The following HSPBP1 variants were observed in gnomAD, a reference collection of about 807,000 sequenced individuals.
HSPBP1 encodes hsp70-binding protein 1.
HSPBP1 carries 31 observed loss-of-function variants against 41.7 expected under a neutral mutation model. That is an observed-to-expected ratio of 0.74 (90% confidence interval 0.56 to 1.00). The LOEUF is 1.00. Among genes scored for constraint, HSPBP1 ranks in the 50% least tolerant of loss-of-function variants. The probability of loss-of-function intolerance (pLI) is 0.00; values close to 1 mark genes in which losing one functional copy is unlikely to be tolerated. For synonymous variants in HSPBP1, 199 were observed against 214.4 expected (o/e 0.93, Z 0.63); for missense variants, 439 against 487.9 (o/e 0.90, Z 0.94).
At chr19:55,266,509 C>CAT (rs1245390241) in intron 4 of HSPBP1, among the ~76,000 whole-genome samples, 1 of 35,826 alleles carries the variant, frequency 2.8e-5, no homozygotes, top group Non-Finnish European at 7.3e-5. Flanking sequence ...TCACCATCAC[C>CAT]ACCACCACCA....
chr19:55,269,245 T>C (rs986758702), intron 4 of HSPBP1, among the ~76,000 whole-genome samples: 1 of 152,134 alleles, frequency 6.6e-6, no homozygotes, highest in African/African-American at 2.4e-5. Context: ...AGTCCCTCTC[T>C]CCCAGCTGCG....
At position 55,270,560 on chromosome 19, in the gene HSPBP1, A is replaced by T. The variant is rs1197722155; in HGVS notation, c.640+3838T>A. ...CTCACCCGCAGGAAGGGGAAAGATA[A>T]GCTACTGTTGCTTAAGAAAAAAGGA... On this transcript the variant is annotated intron_variant, in intron 4 of 7. Coordinates refer to ENST00000433386, the MANE Select transcript of HSPBP1 (RefSeq NM_012267.5). The surrounding 1 kb of genome is among the most constrained non-coding windows in gnomAD (Gnocchi z 5.4). 2.0e-5 allele frequency among the ~76,000 whole-genome samples: 3 copies of T among 152,148 alleles called. No homozygotes were observed. Among genetic ancestry groups the T allele is most frequent in the African/African-American group, 7.2e-5 (3 of 41,424 alleles).
rs1296054535 is a variant in HSPBP1 at position 55,262,492 on chromosome 19, C to T, written c.*116G>A. The T allele has an allele frequency of 2.7e-6, 4 of 1,500,178 alleles. No individual in the cohort carries two copies. The highest frequency in any genetic ancestry group is 1.9e-4 in the Middle Eastern group (1 of 5,134). The allele number at this position is 1,500,178 out of a possible 1,614,324, so 92.9% of individuals were successfully genotyped here. ...GGGACTGCACAGAGACGGGCTGGCACACCCTGGGTCCAGGCACCTAGGCCC... is the reference window on the plus strand; with the variant it reads ...GGGACTGCACAGAGACGGGCTGGCATACCCTGGGTCCAGGCACCTAGGCCC... On this transcript the variant is annotated 3_prime_UTR_variant, in exon 8 of 8. Coordinates refer to ENST00000433386, the MANE Select transcript of HSPBP1 (RefSeq NM_012267.5).
Position 55,265,956 on chromosome 19 carries a change from G to C in HSPBP1, c.823C>G (p.Gln275Glu), listed in dbSNP as rs758612420. The change falls in exon 6 of 8, where the codon CAG becomes GAG. Residue 275 changes from glutamine to glutamate, a missense_variant. Transcript: ENST00000433386. ...GTCCGCACCAGGGCCACCAGCTGCT[G>C]GACCATCCCCATGGAGCACAGGGTC... ...KGTLCSMGMVQQLVALVRTEH... is the reference protein window; with the variant it reads ...KGTLCSMGMVEQLVALVRTEH... 5.6e-6 allele frequency: 9 copies of C among 1,605,938 alleles called. No individual in the cohort carries two copies. The highest frequency in any genetic ancestry group is 6.8e-6 in the Non-Finnish European group (8 of 1,177,470).
intron 7 of HSPBP1, among the ~76,000 whole-genome samples, chr19:55,264,869 C>A (rs555310580): frequency 6.6e-6 from 1 of 152,240 alleles, no homozygotes; most frequent in South Asian, 2.1e-4. Flanking sequence ...AACCAGCGGA[C>A]CCAGGAGCCC....
In HSPBP1 at chr19:55,263,932, G is replaced by T. The variant is rs553526984; in HGVS notation, c.1006-1250C>A. Among the ~76,000 whole-genome samples, 184 of 150,878 alleles carry T rather than the reference G, an allele frequency of 1.2e-3. 3 individuals carry two copies. The South Asian group carries it at 0.019, about 16-fold the overall frequency. On this transcript the variant is annotated intron_variant, in intron 7 of 7. Transcript: ENST00000433386. ...AAATCTAATTTGAATGTTTCCACGGGTGTATACATAAGTCAAAACTTCTCA... is the reference window on the plus strand; with the variant it reads ...AAATCTAATTTGAATGTTTCCACGGTTGTATACATAAGTCAAAACTTCTCA...
In HSPBP1 at chr19:55,274,413, G is replaced by C. The variant is rs1184272681; in HGVS notation, c.625C>G (p.Leu209Val). ...DACDTVRVKALFAISCLVREQ... is the reference protein window; with the variant it reads ...DACDTVRVKAVFAISCLVREQ... ...GGACACTCACAGGAGATGGCGAAGA[G>C]GGCCTTGACGCGCACCGTGTCGCAG... Residue 209 changes from leucine to valine, a missense_variant, in exon 4 of 8, where the codon CTC becomes GTC. Transcript: ENST00000433386. 6.7e-7 allele frequency: 1 copy of C among 1,500,368 alleles called. No individual in the cohort carries two copies. Among genetic ancestry groups the C allele is most frequent in the Non-Finnish European group, 8.9e-7 (1 of 1,127,196 alleles). The allele number at this position is 1,500,368 out of a possible 1,614,324, so 92.9% of individuals were successfully genotyped here. A position where few individuals can be genotyped will look rare whatever the true frequency, so the allele number is the denominator to read the frequency against.
intron 2 of HSPBP1, among the ~76,000 whole-genome samples, chr19:55,279,013 C>G (rs1339476700): frequency 6.7e-6 from 1 of 150,158 alleles, no homozygotes; most frequent in African/African-American, 2.5e-5. Context: ...TGTCTGTATG[C>G]TGGGCACTGT....
In HSPBP1 at chr19:55,279,625, AGGGAAGAATGTGTTAGAGG is replaced by A. The variant is rs1329427927; in HGVS notation, c.-36_-18del. ...GTCTGACATGGGCCGTTTGTGAAGAAGGGAAGAATGTGTTAGAGGGAGAAGGTGGTCACCGCTGAAGCAG... is the reference window on the plus strand; with the variant it reads ...GTCTGACATGGGCCGTTTGTGAAGAAGAGAAGGTGGTCACCGCTGAAGCAG... On this transcript the variant is annotated 5_prime_UTR_variant, in exon 2 of 8. Transcript: ENST00000433386. The A allele has an allele frequency of 6.4e-6, 10 of 1,568,678 alleles. No homozygotes were observed. In the Middle Eastern group the frequency reaches 5.0e-4, roughly 78 times the overall value.
Position 55,262,420 on chromosome 19 carries a change from G to A in HSPBP1, c.*188C>T, listed in dbSNP as rs919553391. ...AGAACGGGGATGAGAGTGAGAGCATGGGAGGTGGGGTCCAAGGAGCTGGTG... is the reference window on the plus strand; with the variant it reads ...AGAACGGGGATGAGAGTGAGAGCATAGGAGGTGGGGTCCAAGGAGCTGGTG... On this transcript the variant is annotated 3_prime_UTR_variant, in exon 8 of 8. Coordinates refer to ENST00000433386, the MANE Select transcript of HSPBP1 (RefSeq NM_012267.5). The A allele has an allele frequency of 1.4e-6, 2 of 1,413,468 alleles. No individual in the cohort carries two copies. Among genetic ancestry groups the A allele is most frequent in the East Asian group, 5.1e-5 (2 of 38,900 alleles). The allele number at this position is 1,413,468 out of a possible 1,614,324, so 87.6% of individuals were successfully genotyped here. A position where few individuals can be genotyped will look rare whatever the true frequency, so the allele number is the denominator to read the frequency against.
rs1156359126 is a variant in HSPBP1 at position 55,274,490 on chromosome 19, A to G, written c.548T>C (p.Val183Ala). Residue 183 changes from valine (V) to alanine (A), a missense_variant, in exon 4 of 8, where the codon GTG (valine) becomes GCG (alanine). Physicochemically the swap from Val to Ala is moderately conservative, Grantham distance 64 (BLOSUM62 0). Coordinates refer to ENST00000433386, the MANE Select transcript of HSPBP1 (RefSeq NM_012267.5). ...SQNVAAIQEQVLGLGALRKLL... is the reference protein window; with the variant it reads ...SQNVAAIQEQALGLGALRKLL... Reference sequence around the variant, plus strand: ...CTTACGCAGGGCACCCAGGCCCAGCACCTGCTCCTGGATGGCTGCCACGTT... The same window carrying G: ...CTTACGCAGGGCACCCAGGCCCAGCGCCTGCTCCTGGATGGCTGCCACGTT... 2 of 1,592,220 alleles carry G rather than the reference A, an allele frequency of 1.3e-6. No individual in the cohort carries two copies. The highest frequency in any genetic ancestry group is 1.3e-5 in the African/African-American group (1 of 74,558).
In HSPBP1 at chr19:55,265,266, C is replaced by T. The variant is rs201916715; in HGVS notation, c.1005+12G>A. ...CCTGGTCCTCCTTGCACCCCGTCCC[C>T]TCCCCATGTACCTGGTACTCCTCAT... On this transcript the variant is annotated intron_variant, in intron 7 of 7. Transcript: ENST00000433386. The T allele has an allele frequency of 7.5e-6, 12 of 1,597,552 alleles. No homozygotes were observed. The South Asian group carries it at 1.3e-4, about 18-fold the overall frequency.
At chr19:55,274,346 C>T in intron 4 of HSPBP1, 52 bp downstream of exon 4, 2 of 398,852 alleles carry the variant, frequency 5.0e-6, no homozygotes, top group Non-Finnish European at 4.4e-6. Context: ...GCCCACCCGG[C>T]ACCCCCCCCC....
At chr19:55,266,087 G>C in intron 5 of HSPBP1, 44 bp downstream of exon 5, 1 of 1,583,552 alleles carries the variant, frequency 6.3e-7, no homozygotes. Context: ...CCCACCCCAG[G>C]GCGTCTGCTC....
At chr19:55,273,476 C>T (rs1222993474) in intron 4 of HSPBP1, among the ~76,000 whole-genome samples, 1 of 152,302 alleles carries the variant, frequency 6.6e-6, no homozygotes, top group East Asian at 1.9e-4. Flanking sequence ...GTGTCCTCTC[C>T]AGACCCCCTG....
At chr19:55,274,347 A>ACCCCCCCCCCCCCCCCCCCCCCCCCCTT (rs11427517) in intron 4 of HSPBP1, 51 bp downstream of exon 4, 1 of 315,250 alleles carries the variant, frequency 3.2e-6, no homozygotes, top group Non-Finnish European at 5.9e-6. Flanking sequence ...CCCACCCGGC[A>ACCCCCCCCCCCCCCCCCCCCCCCCCCTT]CCCCCCCCCA....
rs568707195 is a variant in HSPBP1 at position 55,269,314 on chromosome 19, C to T, written c.641-3028G>A. Among the ~76,000 whole-genome samples, 97 of 152,246 alleles carry T rather than the reference C, an allele frequency of 6.4e-4. 1 individual carries two copies. The highest frequency in any genetic ancestry group is 2.3e-3 in the African/African-American group (94 of 41,540). ...TGTCCTGTGGAGGACACGATTGTCC[C>T]TGTTTGAGAACCACTGCTCCCTACC... On this transcript the variant is annotated intron_variant, in intron 4 of 7. Transcript: ENST00000433386.
chr19:55,269,123 C>T (rs969176502), intron 4 of HSPBP1, among the ~76,000 whole-genome samples: 1 of 152,124 alleles, frequency 6.6e-6, no homozygotes, highest in Non-Finnish European at 1.5e-5. Context: ...CAGGGTTTCT[C>T]CACCTGGGCA....
In HSPBP1 at chr19:55,269,882, G is replaced by T. The variant is rs559945456; in HGVS notation, c.641-3596C>A. On this transcript the variant is annotated intron_variant, in intron 4 of 7. Transcript: ENST00000433386. ...GGGTGACAATGAGGTGTCCATGTAG[G>T]TTCATCGATTGTAATAAATGTGCCA... 3.9e-5 allele frequency among the ~76,000 whole-genome samples: 6 copies of T among 152,256 alleles called. No individual in the cohort carries two copies. In the South Asian group the frequency reaches 1.0e-3, roughly 26 times the overall value.
Sources: gnomAD v4.1 joint callset for allele counts (sites outside exome capture counted in the v4.1 genomes callset) on GRCh38, gnomAD v4.1.1 for gene constraint, Gnocchi (gnomAD v3.1) non-coding constraint, MANE v1.5 for transcripts, NCBI Gene and HGNC (gene_info 2026-07-23, HGNC 2026-07-21) for gene names.